SPHKAP: variants seen among roughly 807,000 people sequenced by gnomAD.
The protein encoded by SPHKAP is A-kinase anchor protein SPHKAP.
A neutral mutation model predicts 137.5 loss-of-function variants in SPHKAP; 67 were observed. The ratio of observed to expected loss-of-function variants is 0.49; its 90% confidence interval spans 0.40 to 0.60. SPHKAP has a LOEUF of 0.60. Ranked by LOEUF, SPHKAP falls within the 20% of genes least tolerant of loss-of-function variation. SPHKAP has a pLI of 0.00. For synonymous variants in SPHKAP, 813 were observed against 785.3 expected, an observed-to-expected ratio of 1.04 and a Z score of -0.59; for missense variants, 2,097 against 2,069.3, an observed-to-expected ratio of 1.01 and a Z score of -0.26.
chr2:228,127,157 C>T (rs1699102612), intron 2 of SPHKAP, among the ~76,000 whole-genome samples: 1 of 152,182 alleles, frequency 6.6e-6, no homozygotes, highest in African/African-American at 2.4e-5. Flanking sequence ...TCAGGACAGC[C>T]TTGCTACTTC....
chr2:228,004,361 A>G (rs1194059689), intron 7 of SPHKAP, among the ~76,000 whole-genome samples: 3 of 152,186 alleles, frequency 2.0e-5, no homozygotes, highest in African/African-American at 7.2e-5. Flanking sequence ...AGGTGTTTAT[A>G]GTATTCTCTG....
intron 1 of SPHKAP, among the ~76,000 whole-genome samples, chr2:228,152,109 G>T (rs1699952245): frequency 6.6e-6 from 1 of 151,954 alleles, no homozygotes; most frequent in Admixed American, 6.6e-5. Context: ...TTAATCCTTG[G>T]TATTTGTTGA....
intron 3 of SPHKAP, among the ~76,000 whole-genome samples, chr2:228,072,655 C>G (rs956892142): frequency 6.6e-6 from 1 of 152,306 alleles, no homozygotes; most frequent in African/African-American, 2.4e-5. Flanking sequence ...TAGCTTCTAG[C>G]TGGCTCTTGG....
At chr2:228,005,513 T>G (rs985573242) in intron 7 of SPHKAP, among the ~76,000 whole-genome samples, 2 of 152,206 alleles carry the variant, frequency 1.3e-5, no homozygotes, top group African/African-American at 2.4e-5. Context: ...AATTTGCCAG[T>G]CTGTGTCTTT....
chr2:227,994,002 C>G (rs1278041856), intron 8 of SPHKAP: 1 of 978,476 alleles, frequency 1.0e-6, no homozygotes. Flanking sequence ...CTGGGGACAC[C>G]TGCAGAGATG....
chr2:228,001,477 A>ATATATATACGTATATATAAG (rs1336518721), intron 7 of SPHKAP, among the ~76,000 whole-genome samples: 26 of 143,806 alleles, frequency 1.8e-4, no homozygotes, highest in Admixed American at 5.0e-4. Flanking sequence ...ATATATAAAA[A>ATATATATACGTATATATAAG]TATATATACG....
intron 7 of SPHKAP, among the ~76,000 whole-genome samples, chr2:228,010,943 G>A (rs1039726065): frequency 6.6e-6 from 1 of 152,086 alleles, no homozygotes; most frequent in African/African-American, 2.4e-5. Flanking sequence ...GATTCCTTGT[G>A]TGTCTTTCAG....
chr2:228,164,823 T>C (rs1294525642), intron 1 of SPHKAP, among the ~76,000 whole-genome samples: 1 of 152,200 alleles, frequency 6.6e-6, no homozygotes, highest in Admixed American at 6.5e-5. Flanking sequence ...CTCTTCCTCA[T>C]GAGAATGCAC....
In SPHKAP at chr2:228,018,479, T is replaced by C. The variant is rs1694699034; in HGVS notation, c.2375A>G (p.Tyr792Cys). The change falls in exon 7 of 12, where the codon TAT becomes TGT. Residue 792 changes from tyrosine (Y) to cysteine (C), a missense_variant. Coordinates refer to ENST00000392056, the MANE Select transcript of SPHKAP (RefSeq NM_001142644.2). ...CACTCCACCCTTGTCTTGTTTTGAA[T>C]ACATGCCATCCACAAGATTGTTGAT... ...LVINNLVDGMYSKQDKGGVRP... is the reference protein window; with the variant it reads ...LVINNLVDGMCSKQDKGGVRP... 3 of 1,614,084 alleles carry C rather than the reference T, an allele frequency of 1.9e-6. No homozygotes were observed. The highest frequency in any genetic ancestry group is 1.1e-5 in the South Asian group (1 of 91,094).
At position 228,019,352 on chromosome 2, in the gene SPHKAP, G is replaced by C. The variant is rs865967990; in HGVS notation, c.1502C>G (p.Ala501Gly). 1.2e-5 allele frequency: 19 copies of C among 1,614,064 alleles called. No homozygotes were observed. The highest frequency in any genetic ancestry group is 6.8e-6 in the Non-Finnish European group (8 of 1,180,046). Residue 501 changes from alanine (A) to glycine (G), a missense_variant, in exon 7 of 12, where the codon GCT (alanine) becomes GGT (glycine). Transcript: ENST00000392056. ...QPQSALEVAL[A>G]CAATVIGTIS... ...AGTTCCAATCACAGTGGCTGCACAAGCTAACGCCACTTCTAGAGCACTCTG... is the reference window on the plus strand; with the variant it reads ...AGTTCCAATCACAGTGGCTGCACAACCTAACGCCACTTCTAGAGCACTCTG...
At position 228,016,898 on chromosome 2, in the gene SPHKAP, C is replaced by T. The variant is rs747530276; in HGVS notation, c.3956G>A (p.Arg1319His). ...ATCATCCACAATGATTTTGTTCTTG[C>T]GCATGAGAGCCTCAATGGAGCTAGC... is the stretch of plus-strand genomic sequence containing the variant. ...TWASSIEALM[R>H]KNKIIVDDAE... The change falls in exon 7 of 12, where the codon CGC becomes CAC. Residue 1319 changes from arginine to histidine, a missense_variant. Transcript: ENST00000392056. 5.6e-6 allele frequency: 9 copies of T among 1,613,936 alleles called. No homozygotes were observed. The highest frequency in any genetic ancestry group is 2.2e-5 in the East Asian group (1 of 44,870).
intron 4 of SPHKAP, among the ~76,000 whole-genome samples, chr2:228,026,995 G>T (rs1158726047): frequency 6.6e-6 from 1 of 152,156 alleles, no homozygotes; most frequent in Non-Finnish European, 1.5e-5. Flanking sequence ...TTGTTCCAGA[G>T]GACTGAATAG....
chr2:228,130,482 A>T (rs4973072), intron 2 of SPHKAP, among the ~76,000 whole-genome samples: 52,016 of 152,110 alleles, frequency 0.34, 9,164 homozygotes, highest in East Asian at 0.51. Context: ...TGAGATATGA[A>T]GTAAAGTCAT....
intron 3 of SPHKAP, among the ~76,000 whole-genome samples, chr2:228,045,744 A>G (rs1035268096): frequency 2.0e-5 from 3 of 152,012 alleles, no homozygotes; most frequent in African/African-American, 7.3e-5. Flanking sequence ...AACTTAAAGT[A>G]TAATAATAAT....
At chr2:228,153,159 C>G (rs1415271978) in intron 1 of SPHKAP, among the ~76,000 whole-genome samples, 1 of 152,092 alleles carries the variant, frequency 6.6e-6, no homozygotes, top group South Asian at 2.1e-4. Context: ...TATAAATTAC[C>G]CAGTCTCAGG....
At chr2:228,014,769 T>C (rs1374463019) in intron 7 of SPHKAP, among the ~76,000 whole-genome samples, 2 of 152,108 alleles carry the variant, frequency 1.3e-5, no homozygotes, top group African/African-American at 4.8e-5. Context: ...GCTGCTGAAA[T>C]TTGATGAAGG....
At chr2:228,026,770 AGAAGCTT>A (rs1168291424) in intron 4 of SPHKAP, among the ~76,000 whole-genome samples, 1 of 152,228 alleles carries the variant, frequency 6.6e-6, no homozygotes, top group Non-Finnish European at 1.5e-5. Context: ...ACTGGGTTTG[AGAAGCTT>A]GAAGTGCAGC....
chr2:228,126,745 C>T (rs976935254), intron 2 of SPHKAP, among the ~76,000 whole-genome samples: 1 of 152,122 alleles, frequency 6.6e-6, no homozygotes, highest in Non-Finnish European at 1.5e-5. Flanking sequence ...GAGTTCCTCC[C>T]TAAGCACACC....
chr2:228,105,369 GT>G (rs1290210614), intron 3 of SPHKAP, among the ~76,000 whole-genome samples: 1 of 152,100 alleles, frequency 6.6e-6, no homozygotes, highest in Non-Finnish European at 1.5e-5. Flanking sequence ...CAGCTGTTGG[GT>G]TTTGGAGATT....
Sources: allele counts gnomAD v4.1 joint callset (sites outside exome capture counted in the v4.1 genomes callset), GRCh38; gene constraint gnomAD v4.1.1; transcripts MANE v1.5; gene names NCBI Gene and HGNC (gene_info 2026-07-23, HGNC 2026-07-21).